Variants in ALDOB observed in about 807,000 individuals in gnomAD.
ALDOB encodes fructose-bisphosphate aldolase B.
A neutral mutation model predicts 41.0 loss-of-function variants in ALDOB; 39 were observed. The ratio of observed to expected loss-of-function variants is 0.95; its 90% CI spans 0.74 to 1.24. The LOEUF is 1.24. Ranked by LOEUF, ALDOB falls within the 50% of genes most tolerant of loss-of-function variation. The pLI is 0.00. For missense variants in ALDOB, 530 were observed against 457.3 expected, an observed-to-expected ratio of 1.16 and a Z score of -1.45; for synonymous variants, 175 against 168.8, an observed-to-expected ratio of 1.04 and a Z score of -0.28.
Position 101,427,571 on chromosome 9 carries a change from C to T in ALDOB, c.451G>A (p.Val151Met). Residue 151 changes from valine to methionine, a missense_variant, in exon 5 of 9, where the codon GTG (valine) becomes ATG (methionine). Val to Met is a conservative substitution (Grantham distance 21). Transcript: ENST00000647789. ...DGVDFGKWRA[V>M]LRIADQCPSS... ...GGACACTGGTCGGCAATCCTCAGCACAGCACGCCACTTCCCAAAGTCAACA... is the reference window on the plus strand; with the variant it reads ...GGACACTGGTCGGCAATCCTCAGCATAGCACGCCACTTCCCAAAGTCAACA... 6.2e-7 allele frequency: 1 copy of T among 1,614,170 alleles called. No homozygotes were observed. The highest frequency in any genetic ancestry group is 8.5e-7 in the Non-Finnish European group (1 of 1,180,028).
chr9:101,427,350 T>A (rs991052923), intron 5 of ALDOB, 132 bp downstream of exon 5: 13 of 1,203,818 alleles, frequency 1.1e-5, no homozygotes, highest in Non-Finnish European at 1.5e-5. Flanking sequence ...TAGCAAAAGT[T>A]GTGAAAAATG....
chr9:101,426,286 A>G (rs1350429246), intron 6 of ALDOB, among the ~76,000 whole-genome samples: 1 of 152,232 alleles, frequency 6.6e-6, no homozygotes, highest in Admixed American at 6.5e-5. Context: ...ATTGAAGTCA[A>G]AAGAGATAAT....
intron 3 of ALDOB, 140 bp downstream of exon 3, chr9:101,429,615 C>T: frequency 1.2e-6 from 1 of 868,870 alleles, no homozygotes; most frequent in Non-Finnish European, 2.0e-6. Flanking sequence ...ATCTTGTTCT[C>T]TGTGGGAAGA....
At chr9:101,427,398 T>C in intron 5 of ALDOB, 84 bp downstream of exon 5, 1 of 1,521,608 alleles carries the variant, frequency 6.6e-7, no homozygotes, top group Admixed American at 1.8e-5. Flanking sequence ...GGAGGTCCAT[T>C]TGTAGTTATA....
At chr9:101,429,110 A>C (rs550915) in intron 3 of ALDOB, among the ~76,000 whole-genome samples, 19,274 of 151,854 alleles carry the variant, frequency 0.13, 1,654 homozygotes, top group South Asian at 0.28. Flanking sequence ...TAATTACGCA[A>C]TATAAACTTT....
In ALDOB at chr9:101,434,310, A is replaced by G. The variant is rs1373512025; in HGVS notation, c.-11+1399T>C. ...TTGTGATGTTCTAGGATTGCAAGTT[A>G]CATCCTATTGGCTTATGACTTAGAA... On this transcript the variant is annotated intron_variant, in intron 1 of 8. Transcript: ENST00000647789. Among the ~76,000 whole-genome samples, 5 of 152,224 alleles carry G rather than the reference A, an allele frequency of 3.3e-5. No individual in the cohort carries two copies. The East Asian group carries it at 9.6e-4, about 29-fold the overall frequency.
chr9:101,428,089 A>G (rs538099053), intron 4 of ALDOB, among the ~76,000 whole-genome samples: 7 of 152,334 alleles, frequency 4.6e-5, no homozygotes, highest in Admixed American at 3.9e-4. Flanking sequence ...ATTCAAACCC[A>G]GGTGTGTCTG....
chr9:101,435,283 A>AT (rs1474823351), intron 1 of ALDOB, among the ~76,000 whole-genome samples: 1 of 152,234 alleles, frequency 6.6e-6, no homozygotes. Flanking sequence ...AATGTAGAAA[A>AT]TGACATAAGG....
intron 1 of ALDOB, among the ~76,000 whole-genome samples, chr9:101,434,703 C>G (rs987496570): frequency 1.3e-5 from 2 of 152,178 alleles, no homozygotes; most frequent in African/African-American, 4.8e-5. Context: ...CTTTAACACA[C>G]GCGGAGCAGC....
At chr9:101,426,457 C>G (rs1364395847) in intron 6 of ALDOB, 98 bp downstream of exon 6, 3 of 809,376 alleles carry the variant, frequency 3.7e-6, no homozygotes, top group Non-Finnish European at 6.6e-6. Context: ...ATCCTAAAGG[C>G]TACTTCAGAT....
At chr9:101,429,727 G>A in intron 3 of ALDOB, 28 bp downstream of exon 3, 1 of 1,607,458 alleles carries the variant, frequency 6.2e-7, no homozygotes. Context: ...GGACAAAGCA[G>A]AAGTGAGGTG....
Position 101,430,858 on chromosome 9 carries a change from C to T in ALDOB, c.30G>A (p.Gln10=), listed in dbSNP as rs376852683. 3.1e-6 allele frequency: 5 copies of T among 1,614,136 alleles called. No homozygotes were observed. Among genetic ancestry groups the T allele is most frequent in the African/African-American group, 1.3e-5 (1 of 75,038 alleles). The change falls in exon 2 of 9, where the codon CAG becomes CAA. Residue 10 remains glutamine (Q), a synonymous_variant. Coordinates refer to ENST00000647789, the MANE Select transcript of ALDOB (RefSeq NM_000035.4). The part of the protein sequence containing the change: MAHRFPALT[Q]EQKKELSEIA... ...TTTCTGAGAGCTCCTTCTTCTGCTC[C>T]TGGGTGAGGGCTGGAAATCGGTGGG... is the stretch of plus-strand genomic sequence containing the variant.
Position 101,430,857 on chromosome 9 carries a change from C to T in ALDOB, c.31G>A (p.Glu11Lys). MAHRFPALTQ[E>K]QKKELSEIAQ... ...ATTTCTGAGAGCTCCTTCTTCTGCTCCTGGGTGAGGGCTGGAAATCGGTGG... is the reference window on the plus strand; with the variant it reads ...ATTTCTGAGAGCTCCTTCTTCTGCTTCTGGGTGAGGGCTGGAAATCGGTGG... The change falls in exon 2 of 9, where the codon GAG (glutamate) becomes AAG (lysine). Residue 11 changes from glutamate (E) to lysine (K), a missense_variant. By Grantham distance (56) the Glu-to-Lys change is moderately conservative. Transcript: ENST00000647789. The T allele has an allele frequency of 1.2e-6, 2 of 1,614,120 alleles. No homozygotes were observed. Among genetic ancestry groups the T allele is most frequent in the Non-Finnish European group, 1.7e-6 (2 of 1,180,006 alleles).
At chr9:101,431,651 G>GT (rs1334836968) in intron 1 of ALDOB, among the ~76,000 whole-genome samples, 4 of 152,302 alleles carry the variant, frequency 2.6e-5, no homozygotes, top group Admixed American at 6.5e-5. Context: ...CTCCACAGTG[G>GT]TTGTGCTCTG....
chr9:101,430,792 A>C lies in ALDOB; in HGVS notation c.96T>G (p.Ala32=), dbSNP rs928855259. The C allele has an allele frequency of 6.2e-7, 1 of 1,613,478 alleles. No homozygotes were observed. Among genetic ancestry groups the C allele is most frequent in the South Asian group, 1.1e-5 (1 of 91,072 alleles). The change falls in exon 2 of 9, where the codon GCT becomes GCG. Residue 32 remains alanine (A), a synonymous_variant. Transcript: ENST00000647789. ...TACACTCACCTACAGATTCATCTGC[A>C]GCCAGGATCCCCTTTCCATTGGCAA... ...SIVANGKGIL[A]ADESVGTMGN...
At position 101,425,425 on chromosome 9, in the gene ALDOB, T is replaced by C. The variant is rs117738198; in HGVS notation, c.799+28A>G. The C allele has an allele frequency of 1.7e-3, 2,668 of 1,613,054 alleles. 35 individuals are homozygous for C. In the East Asian group the frequency reaches 0.026, roughly 16 times the overall value. On this transcript the variant is annotated intron_variant, in intron 7 of 8. Transcript: ENST00000647789. ...TCTCCAAAGAATGAGGGCTAAGACC[T>C]TGAGTTAGAGAAGAAAGAAGGCCTT...
At chr9:101,422,604 G>A (rs930802207) in intron 8 of ALDOB, among the ~76,000 whole-genome samples, 1 of 152,220 alleles carries the variant, frequency 6.6e-6, no homozygotes, top group Non-Finnish European at 1.5e-5. Context: ...TTTTTAACAA[G>A]CGCTTCAAGT....
At chr9:101,434,691 C>T (rs922085795) in intron 1 of ALDOB, among the ~76,000 whole-genome samples, 10 of 152,296 alleles carry the variant, frequency 6.6e-5, no homozygotes, top group Middle Eastern at 6.8e-3. Context: ...ATTTCCAGTG[C>T]CCTTTAACAC....
At chr9:101,433,751 A>C (rs1169020349) in intron 1 of ALDOB, among the ~76,000 whole-genome samples, 1 of 151,944 alleles carries the variant, frequency 6.6e-6, no homozygotes, top group Non-Finnish European at 1.5e-5. Context: ...AGATTCTCAC[A>C]TTTCTTTTCT....
Sources: gnomAD v4.1 joint callset for allele counts (sites outside exome capture counted in the v4.1 genomes callset) on GRCh38, gnomAD v4.1.1 for gene constraint, MANE v1.5 for transcripts, NCBI Gene and HGNC (gene_info 2026-07-23, HGNC 2026-07-21) for gene names.